KCNG1: variants seen among roughly 807,000 people sequenced by gnomAD.
KCNG1 encodes the protein potassium voltage-gated channel modifier subfamily G member 1.
In KCNG1, 17 loss-of-function variants were observed where a neutral mutation model predicts 32.4. That is an observed-to-expected ratio of 0.52 (90% CI 0.36 to 0.79). The LOEUF is 0.79. KCNG1 is among the 30% of genes least tolerant of loss of function. KCNG1 has a pLI of 0.00. For synonymous variants in KCNG1, 358 were observed against 339.9 expected (o/e 1.05, Z -0.59); for missense variants, 441 against 735.2 (o/e 0.60, Z 4.63).
chr20:51,004,011 G>A lies in KCNG1; in HGVS notation c.*28C>T. ...TGGCAATGGCTTCGGGCCACAGATG[G>A]CAGGCAGGGCAGGCGTGTCCTCCGC... On this transcript the variant is annotated 3_prime_UTR_variant, in exon 3 of 3. Transcript: ENST00000371571. This position sits in a 1 kb window ranked among gnomAD's most constrained non-coding sequence, Gnocchi z 4.3. 6.3e-7 allele frequency: 1 copy of A among 1,597,914 alleles called. No homozygotes were observed. The highest frequency in any genetic ancestry group is 8.5e-7 in the Non-Finnish European group (1 of 1,170,088).
intron 1 of KCNG1, among the ~76,000 whole-genome samples, chr20:51,017,226 G>A (rs368899453): frequency 3.3e-5 from 5 of 152,306 alleles, no homozygotes; most frequent in East Asian, 1.9e-4. Flanking sequence ...CCTGCAGATT[G>A]CCCAGGAATC....
chr20:51,004,606 A>C lies in KCNG1; in HGVS notation c.975T>G (p.Arg325=). The change falls in exon 3 of 3, where the codon CGT becomes CGG. Residue 325 remains arginine, a synonymous_variant. Coordinates refer to ENST00000371571, the MANE Select transcript of KCNG1 (RefSeq NM_002237.4). The surrounding 1 kb of genome is among the most constrained non-coding windows in gnomAD (Gnocchi z 4.3). ...AGCTGTTGCCCGCGCCGGGCTTGCG[A>C]CGGCCTGCGGCGGCGCCGTCCACCA... ...TLLVDGAAAG[R]RKPGAGNSYL... is the part of the protein sequence containing the mutation. The C allele has an allele frequency of 6.3e-7, 1 of 1,582,156 alleles. No homozygotes were observed. Among genetic ancestry groups the C allele is most frequent in the African/African-American group, 1.3e-5 (1 of 74,432 alleles).
In KCNG1 at chr20:51,010,350, A is replaced by C. The variant is rs1988032902; in HGVS notation, c.-12T>G. 2 of 1,502,266 alleles carry C rather than the reference A, an allele frequency of 1.3e-6. No homozygotes were observed. The highest frequency in any genetic ancestry group is 1.8e-6 in the Non-Finnish European group (2 of 1,134,524). 93.1% of individuals were successfully genotyped at this position (1,502,266 alleles called of 1,614,324 possible). A position where few individuals can be genotyped will look rare whatever the true frequency, so the allele number is the denominator to read the frequency against. ...GGTAAGAGGGTCATTTTGGGCCTTC[A>C]CATCCCTCTCGGGCCTGTGGGGAGA... On this transcript the variant is annotated 5_prime_UTR_variant, in exon 2 of 3. An upstream open reading frame in the 5' UTR loses its in-frame stop. Coordinates refer to ENST00000371571, the MANE Select transcript of KCNG1 (RefSeq NM_002237.4).
rs1030664258 is a variant in KCNG1 at position 51,004,818 on chromosome 20, G to C, written c.775-12C>G. The stretch of plus-strand genomic sequence containing the variant: ...TGGGAACAGTGGCCCTGGGAGAGAG[G>C]GGAAGGGACGCCGGAGGGGTCAGCG... On this transcript the variant is annotated splice_polypyrimidine_tract_variant and intron_variant, in intron 2 of 2. Transcript: ENST00000371571. This position sits in a 1 kb window ranked among gnomAD's most constrained non-coding sequence, Gnocchi z 4.3. 6.5e-7 allele frequency: 1 copy of C among 1,539,290 alleles called. No homozygotes were observed. The highest frequency in any genetic ancestry group is 8.8e-7 in the Non-Finnish European group (1 of 1,137,734).
At chr20:51,012,487 C>T (rs1988130105) in intron 1 of KCNG1, 1 of 152,210 alleles carries the variant, frequency 6.6e-6, no homozygotes, top group Non-Finnish European at 1.5e-5. Flanking sequence ...CAAAGAGGTG[C>T]TTGTTAAATG....
In KCNG1 at chr20:51,013,231, G is replaced by A. The variant is rs1601101418; in HGVS notation, c.-26-2867C>T. Among the ~76,000 whole-genome samples, 3 of 152,234 alleles carry A rather than the reference G, an allele frequency of 2.0e-5. No homozygotes were observed. In the South Asian group the frequency reaches 6.2e-4, roughly 32 times the overall value. Reference sequence around the variant, plus strand: ...GCAGGAGAATCCCTTGAACCCAGGAGGTGGAGGTTGCAGTGAGCTGAGATG... The same window carrying A: ...GCAGGAGAATCCCTTGAACCCAGGAAGTGGAGGTTGCAGTGAGCTGAGATG... On this transcript the variant is annotated intron_variant, in intron 1 of 2. Coordinates refer to ENST00000371571, the MANE Select transcript of KCNG1 (RefSeq NM_002237.4).
intron 1 of KCNG1, among the ~76,000 whole-genome samples, chr20:51,019,245 C>T (rs1295357794): frequency 6.6e-6 from 1 of 152,162 alleles, no homozygotes; most frequent in Admixed American, 6.5e-5. Flanking sequence ...GGCGCAGGGG[C>T]TTACGCCTGG....
chr20:51,011,337 C>CTT (rs376194940), intron 1 of KCNG1, among the ~76,000 whole-genome samples: 3,794 of 146,872 alleles, frequency 0.026, 159 homozygotes, highest in African/African-American at 0.089. Flanking sequence ...TTTAAATTAA[C>CTT]TTTTTTTTTT....
intron 1 of KCNG1, among the ~76,000 whole-genome samples, chr20:51,019,641 C>G (rs1248183055): frequency 6.6e-6 from 1 of 152,186 alleles, no homozygotes; most frequent in East Asian, 1.9e-4. Flanking sequence ...CTCTCCTGTA[C>G]TCTGCAGGCT....
chr20:51,010,444 C>A, intron 1 of KCNG1, 80 bp from the exon 2 acceptor site: 1 of 962,104 alleles, frequency 1.0e-6, no homozygotes, highest in South Asian at 1.8e-5. Context: ...CGCAGATATT[C>A]ACTGTTAGGG....
chr20:51,016,796 C>T (rs537949801), intron 1 of KCNG1, among the ~76,000 whole-genome samples: 1 of 152,218 alleles, frequency 6.6e-6, no homozygotes, highest in South Asian at 2.1e-4. Context: ...CGCTGCCCCC[C>T]TCCCTGCTTC....
At chr20:51,010,754 G>C (rs1472071059) in intron 1 of KCNG1, among the ~76,000 whole-genome samples, 1 of 152,140 alleles carries the variant, frequency 6.6e-6, no homozygotes, top group Non-Finnish European at 1.5e-5. Flanking sequence ...AACTAGCCAG[G>C]CATGGTGGCG....
intron 1 of KCNG1, among the ~76,000 whole-genome samples, chr20:51,014,831 G>A (rs539874487): frequency 6.6e-6 from 1 of 152,300 alleles, no homozygotes; most frequent in Admixed American, 6.5e-5. Context: ...GGGCTTCTTG[G>A]AGGAGGGGAC....
chr20:51,010,789 G>A (rs1988056340), intron 1 of KCNG1, among the ~76,000 whole-genome samples: 1 of 152,072 alleles, frequency 6.6e-6, no homozygotes, highest in Admixed American at 6.5e-5. Flanking sequence ...TAGCTACTAG[G>A]GAGGCTGAGG....
At position 51,009,744 on chromosome 20, in the gene KCNG1, G is replaced by A. The variant is rs1282465857; in HGVS notation, c.595C>T (p.Pro199Ser). ...LDSEGRDSEG[P>S]AEGEGRLGRC... is the part of the protein sequence containing the mutation. Reference sequence around the variant, plus strand: ...CCCAGGCGGCCCTCGCCCTCGGCCGGGCCCTCGCTGTCGCGGCCCTCGCTG... The same window carrying A: ...CCCAGGCGGCCCTCGCCCTCGGCCGAGCCCTCGCTGTCGCGGCCCTCGCTG... The change falls in exon 2 of 3, where the codon CCG becomes TCG. Residue 199 changes from proline (P) to serine (S), a missense_variant. By Grantham distance (74) the Pro-to-Ser change is moderately conservative. Coordinates refer to ENST00000371571, the MANE Select transcript of KCNG1 (RefSeq NM_002237.4). 3.1e-6 allele frequency: 5 copies of A among 1,608,202 alleles called. No individual in the cohort carries two copies. In the South Asian group the frequency reaches 4.4e-5, roughly 14 times the overall value.
At chr20:51,014,903 A>C (rs1988223806) in intron 1 of KCNG1, among the ~76,000 whole-genome samples, 1 of 152,106 alleles carries the variant, frequency 6.6e-6, no homozygotes, top group East Asian at 1.9e-4. Flanking sequence ...GAGTGGCAAG[A>C]ATTTGCTCCC....
intron 1 of KCNG1, among the ~76,000 whole-genome samples, chr20:51,011,791 T>C (rs924959810): frequency 1.3e-5 from 2 of 152,226 alleles, no homozygotes; most frequent in Non-Finnish European, 2.9e-5. Flanking sequence ...TCAGTAACTA[T>C]TGTCTATTAT....
chr20:51,009,581 C>A lies in KCNG1; in HGVS notation c.758G>T (p.Arg253Met). ...GGCTCTTACCTGCTCCTCCTCCTCC[C>A]TCAGGCTGGGCAAGGTGCTGACGGA... ...NLSVSTLPSL[R>M]EEEEQGHCSQ... The change falls in exon 2 of 3, where the codon AGG (arginine) becomes ATG (methionine). Residue 253 changes from arginine to methionine, a missense_variant. By Grantham distance (91) the Arg-to-Met change is moderately conservative. Around this residue, in one of 6 missense-constraint regions of KCNG1, gnomAD observed 169 missense variants for 297.7 expected, o/e 0.57. Coordinates refer to ENST00000371571, the MANE Select transcript of KCNG1 (RefSeq NM_002237.4). 1 of 1,606,116 alleles carries A rather than the reference C, an allele frequency of 6.2e-7. No individual in the cohort carries two copies. Among genetic ancestry groups the A allele is most frequent in the East Asian group, 2.2e-5 (1 of 44,608 alleles).
At chr20:51,006,195 G>A (rs1987823892) in intron 2 of KCNG1, 1 of 152,190 alleles carries the variant, frequency 6.6e-6, no homozygotes, top group African/African-American at 2.4e-5. Context: ...TGTGCACAAG[G>A]AGCATGTGAA....
Sources: gnomAD v4.1 joint callset for allele counts (sites outside exome capture counted in the v4.1 genomes callset) on GRCh38, gnomAD v4.1.1 for gene constraint, gnomAD v4.1.1 regional missense constraint, Gnocchi (gnomAD v3.1) non-coding constraint, MANE v1.5 for transcripts, NCBI Gene and HGNC (gene_info 2026-07-23, HGNC 2026-07-21) for gene names.